SPTLC1: variants seen among roughly 807,000 people sequenced by gnomAD.
SPTLC1 encodes serine palmitoyltransferase long chain base subunit 1, also known as serine palmitoyltransferase 1.
A neutral mutation model predicts 68.9 loss-of-function variants in SPTLC1; 55 were observed. The ratio of observed to expected loss-of-function variants is 0.80; its 90% CI spans 0.64 to 1.00. The LOEUF (loss-of-function observed/expected upper bound fraction) is 1.00, where lower values mean the gene tolerates loss of function less well. Ranked by LOEUF, SPTLC1 falls within the 50% of genes least tolerant of loss-of-function variation. SPTLC1 has a pLI of 0.00. For synonymous variants in SPTLC1, 197 were observed against 201.6 expected (o/e 0.98, Z 0.19); for missense variants, 449 against 573.1 (o/e 0.78, Z 2.21).
chr9:92,092,249 A>G (rs1835387365), intron 3 of SPTLC1, among the ~76,000 whole-genome samples: 2 of 152,220 alleles, frequency 1.3e-5, no homozygotes. Flanking sequence ...AGTAAGACAT[A>G]AAGCAAGTGT....
At position 92,080,019 on chromosome 9, in the gene SPTLC1, A is replaced by T; in HGVS notation, c.424T>A (p.Phe142Ile). The stretch of plus-strand genomic sequence containing the variant: ...AGAGAACACAACAAAAACTTACCAA[A>T]TGTGCCATAAAATCCTCTGGGTCCA... ...TCGPRGFYGT[F>I]DVHLDLEDRL... Residue 142 changes from phenylalanine to isoleucine, a missense_variant, in exon 5 of 15, where the codon TTT becomes ATT. Around this residue, in one of 3 missense-constraint regions of SPTLC1, gnomAD observed 391 missense variants for 472.1 expected, o/e 0.83. Transcript: ENST00000262554. The T allele has an allele frequency of 6.2e-7, 1 of 1,613,350 alleles. No individual in the cohort carries two copies. Among genetic ancestry groups the T allele is most frequent in the South Asian group, 1.1e-5 (1 of 91,064 alleles).
At chr9:92,108,309 T>A (rs1186709699) in intron 3 of SPTLC1, 2 of 175,584 alleles carry the variant, frequency 1.1e-5, no homozygotes, top group Admixed American at 5.5e-5. Context: ...GGAAGCTCCA[T>A]AATTCATATT....
Position 92,112,445 on chromosome 9 carries a change from A to C in SPTLC1, c.165+10T>G, listed in dbSNP as rs373862470. 2.6e-6 allele frequency: 4 copies of C among 1,562,372 alleles called. No individual in the cohort carries two copies. In the African/African-American group the frequency reaches 4.1e-5, roughly 16 times the overall value. ...TACCCAATAATTAAAACAGAGATTTAATTTCGTACCTTGACTGTAAGATCA... is the reference window on the plus strand; with the variant it reads ...TACCCAATAATTAAAACAGAGATTTCATTTCGTACCTTGACTGTAAGATCA... On this transcript the variant is annotated intron_variant, in intron 2 of 14. Coordinates refer to ENST00000262554, the MANE Select transcript of SPTLC1 (RefSeq NM_006415.4).
chr9:92,032,603 C>G lies in SPTLC1; in HGVS notation c.1329-45G>C, dbSNP rs372893288. 1.9e-6 allele frequency: 3 copies of G among 1,612,754 alleles called. No homozygotes were observed. In the Admixed American group the frequency reaches 5.0e-5, roughly 27 times the overall value. On this transcript the variant is annotated intron_variant, in intron 14 of 14. Coordinates refer to ENST00000262554, the MANE Select transcript of SPTLC1 (RefSeq NM_006415.4). ...CAAAGAATTATCTTTGTGGGCCAGG[C>G]GCAGTGGCTCACGCCTGTAATCCCA...
intron 12 of SPTLC1, among the ~76,000 whole-genome samples, chr9:92,040,485 G>A (rs893750394): frequency 7.2e-5 from 11 of 152,046 alleles, no homozygotes; most frequent in African/African-American, 1.9e-4. Context: ...AATACAAGGC[G>A]CGATGGCTCA....
chr9:92,090,841 A>G (rs1252128051), intron 3 of SPTLC1, among the ~76,000 whole-genome samples: 2 of 152,126 alleles, frequency 1.3e-5, no homozygotes, highest in Non-Finnish European at 2.9e-5. Context: ...TGACAGGCCC[A>G]GAAGGAGACT....
chr9:92,048,456 C>T (rs1683239052), intron 9 of SPTLC1, among the ~76,000 whole-genome samples: 1 of 152,230 alleles, frequency 6.6e-6, no homozygotes, highest in Non-Finnish European at 1.5e-5. Context: ...ACTCTGCACT[C>T]CTGCCCTTTT....
In SPTLC1 at chr9:92,067,995, A is replaced by T. The variant is rs1378081815; in HGVS notation, c.531T>A (p.Ala177=). ...AAACAATGTCCCCTCTTTTAGAGTAAGCAGGAATAGCACTGGCTATGGTGG... is the reference window on the plus strand; with the variant it reads ...AAACAATGTCCCCTCTTTTAGAGTATGCAGGAATAGCACTGGCTATGGTGG... ...GFATIASAIP[A]YSKRGDIVFV... The change falls in exon 6 of 15, where the codon GCT becomes GCA. Residue 177 remains alanine, a synonymous_variant. Transcript: ENST00000262554. 3 of 1,614,152 alleles carry T rather than the reference A, an allele frequency of 1.9e-6. No homozygotes were observed. Among genetic ancestry groups the T allele is most frequent in the Non-Finnish European group, 2.5e-6 (3 of 1,180,012 alleles).
chr9:92,068,118 T>C lies in SPTLC1; in HGVS notation c.428-20A>G. The C allele has an allele frequency of 6.2e-7, 1 of 1,610,456 alleles. No individual in the cohort carries two copies. The highest frequency in any genetic ancestry group is 8.5e-7 in the Non-Finnish European group (1 of 1,177,530). On this transcript the variant is annotated intron_variant, in intron 5 of 14. Transcript: ENST00000262554. ...GAACATCTATTTCAGTTAAAAAAGT[T>C]AAATGGTTAAACTGCCTTATAATTC...
Position 92,053,923 on chromosome 9 carries a change from C to T in SPTLC1, c.780+1482G>A, listed in dbSNP as rs575288409. On this transcript the variant is annotated intron_variant, in intron 8 of 14. Coordinates refer to ENST00000262554, the MANE Select transcript of SPTLC1 (RefSeq NM_006415.4). ...TTAATTTTGTGTTATGTGAATTTCA[C>T]CTCAATAAAGGAAATCTCAATGGTC... 2.3e-5 allele frequency: 22 copies of T among 974,938 alleles called. No homozygotes were observed. In the South Asian group the frequency reaches 9.0e-4, roughly 40 times the overall value. The allele number at this position is 974,938 out of a possible 1,614,324, so 60.4% of individuals were successfully genotyped here.
chr9:92,096,098 T>C (rs1835519634), intron 3 of SPTLC1, among the ~76,000 whole-genome samples: 1 of 152,196 alleles, frequency 6.6e-6, no homozygotes, highest in Middle Eastern at 3.2e-3. Context: ...GCCTCTTGCC[T>C]TCAACTCAGC....
At chr9:92,103,234 G>A (rs143822872) in intron 3 of SPTLC1, among the ~76,000 whole-genome samples, 1 of 152,148 alleles carries the variant, frequency 6.6e-6, no homozygotes, top group Non-Finnish European at 1.5e-5. Context: ...GGGGTGAAAG[G>A]CTCCATTAGA....
Position 92,084,619 on chromosome 9 carries a change from G to C in SPTLC1, c.261-3656C>G, listed in dbSNP as rs1282959945. On this transcript the variant is annotated intron_variant, in intron 3 of 14. Transcript: ENST00000262554. The stretch of plus-strand genomic sequence containing the variant: ...CTTGATCATGGTGGACAAGCTTTTT[G>C]ATGTGCTGCTGGATTCGGTTTGCCA... 7.6e-3 allele frequency among the ~76,000 whole-genome samples: 1,160 copies of C among 152,006 alleles called. 10 individuals are homozygous for C. The highest frequency in any genetic ancestry group is 0.012 in the Non-Finnish European group (833 of 67,900).
chr9:92,100,344 AG>A (rs1024547898), intron 3 of SPTLC1, among the ~76,000 whole-genome samples: 4 of 152,190 alleles, frequency 2.6e-5, no homozygotes, highest in African/African-American at 7.2e-5. Context: ...GCCAAGCCAT[AG>A]CTGAGTATAT....
intron 5 of SPTLC1, 181 bp downstream of exon 5, chr9:92,079,835 T>G (rs953120616): frequency 2.4e-5 from 16 of 677,132 alleles, no homozygotes; most frequent in Admixed American, 4.9e-5. Flanking sequence ...TATTATTTTT[T>G]GTAGAGACAG....
chr9:92,079,331 C>T lies in SPTLC1; in HGVS notation c.427+685G>A, dbSNP rs944042061. 3 of 1,311,816 alleles carry T rather than the reference C, an allele frequency of 2.3e-6. No individual in the cohort carries two copies. In the African/African-American group the frequency reaches 4.5e-5, roughly 20 times the overall value. 81.3% of individuals were successfully genotyped at this position (1,311,816 alleles called of 1,614,324 possible). A position where few individuals can be genotyped will look rare whatever the true frequency, so the allele number is the denominator to read the frequency against. ...CCTCAGGTGATCTGCCTGCCTCAGCCTTTGAAAGTGCTGGGATTACAGGCA... is the reference window on the plus strand; with the variant it reads ...CCTCAGGTGATCTGCCTGCCTCAGCTTTTGAAAGTGCTGGGATTACAGGCA... On this transcript the variant is annotated intron_variant, in intron 5 of 14. Coordinates refer to ENST00000262554, the MANE Select transcript of SPTLC1 (RefSeq NM_006415.4).
At chr9:92,080,671 T>C (rs1165285229) in intron 4 of SPTLC1, among the ~76,000 whole-genome samples, 199 bp downstream of exon 4, 1 of 152,198 alleles carries the variant, frequency 6.6e-6, no homozygotes, top group East Asian at 1.9e-4. Context: ...CCCAAGTAGC[T>C]GGGACTACAG....
intron 9 of SPTLC1, among the ~76,000 whole-genome samples, chr9:92,049,639 TG>T (rs112261366): frequency 6.6e-5 from 10 of 152,332 alleles, no homozygotes; most frequent in African/African-American, 2.2e-4. Flanking sequence ...AAATTCCTAA[TG>T]ATTTTAAGAA....
chr9:92,080,768 G>T, intron 4 of SPTLC1, 102 bp downstream of exon 4: 2 of 921,066 alleles, frequency 2.2e-6, no homozygotes, highest in East Asian at 2.6e-5. Flanking sequence ...TTAAACTCCT[G>T]ACCTGAAGTG....
Sources: allele counts gnomAD v4.1 joint callset (sites outside exome capture counted in the v4.1 genomes callset), GRCh38; gene constraint gnomAD v4.1.1; regional missense constraint gnomAD v4.1.1; transcripts MANE v1.5; gene names NCBI Gene and HGNC (gene_info 2026-07-23, HGNC 2026-07-21).